HEMK2: variants seen among roughly 807,000 people sequenced by gnomAD.
HEMK2 encodes HemK methyltransferase 2, ETF1 glutamine and histone H4 lysine.
At chr21:28,747,526 A>T in the HEMK2 span, among the ~76,000 whole-genome samples, 1 of 152,250 alleles carries the variant, frequency 6.6e-6, no homozygotes. Flanking sequence ...CAACCCTCAA[A>T]GGAAATGTCC....
At chr21:28,753,121 C>T in the HEMK2 span, among the ~76,000 whole-genome samples, 5 of 152,090 alleles carry the variant, frequency 3.3e-5, no homozygotes, top group African/African-American at 1.2e-4. Flanking sequence ...CTTTGGAAGG[C>T]CAAGATGGGT....
At chr21:28,787,616 G>A in the HEMK2 span, among the ~76,000 whole-genome samples, 53 of 152,182 alleles carry the variant, frequency 3.5e-4, no homozygotes, top group African/African-American at 1.2e-3. Flanking sequence ...AATGCTCAAC[G>A]TTACTAATGA....
At chr21:28,618,309 A>G in the HEMK2 span, among the ~76,000 whole-genome samples, 3 of 152,174 alleles carry the variant, frequency 2.0e-5, no homozygotes, top group South Asian at 6.2e-4. Context: ...TTACAACTGT[A>G]TATTCACAAA....
At chr21:28,726,482 T>C in the HEMK2 span, among the ~76,000 whole-genome samples, 1 of 152,204 alleles carries the variant, frequency 6.6e-6, no homozygotes, top group Admixed American at 6.5e-5. Flanking sequence ...AAAATAGCAC[T>C]GAAAAGACTT....
the HEMK2 span, among the ~76,000 whole-genome samples, chr21:28,802,782 G>A: frequency 6.6e-6 from 1 of 152,026 alleles, no homozygotes; most frequent in South Asian, 2.1e-4. Flanking sequence ...TTCTTGTCAA[G>A]CTTTTAATAA....
the HEMK2 span, among the ~76,000 whole-genome samples, chr21:28,781,190 T>C: frequency 6.6e-6 from 1 of 152,144 alleles, no homozygotes; most frequent in Non-Finnish European, 1.5e-5. Context: ...TAAAATCAAA[T>C]CTAAAAGCAC....
the HEMK2 span, among the ~76,000 whole-genome samples, chr21:28,769,947 G>A: frequency 1.3e-5 from 2 of 152,102 alleles, no homozygotes; most frequent in Admixed American, 1.3e-4. Flanking sequence ...TTGGGCTAAT[G>A]AATTACATCA....
the HEMK2 span, among the ~76,000 whole-genome samples, chr21:28,767,055 G>T: frequency 6.6e-6 from 1 of 152,012 alleles, no homozygotes; most frequent in Non-Finnish European, 1.5e-5. Context: ...GAGTCATGGG[G>T]CCAGGTCTTT....
chr21:28,699,212 C>T, the HEMK2 span, among the ~76,000 whole-genome samples: 5 of 152,148 alleles, frequency 3.3e-5, no homozygotes, highest in African/African-American at 1.2e-4. Context: ...CTGTCTTAGT[C>T]TGTTTGTGTT....
the HEMK2 span, among the ~76,000 whole-genome samples, chr21:28,871,079 A>C: frequency 6.6e-6 from 1 of 152,178 alleles, no homozygotes; most frequent in South Asian, 2.1e-4. Flanking sequence ...CAATTTGCAA[A>C]TTTATACTTG....
the HEMK2 span, among the ~76,000 whole-genome samples, chr21:28,721,991 TA>T: frequency 6.6e-6 from 1 of 151,018 alleles, no homozygotes; most frequent in Non-Finnish European, 1.5e-5. Context: ...TACTTATCAG[TA>T]AATAGAAATC....
the HEMK2 span, among the ~76,000 whole-genome samples, chr21:28,766,944 T>G: frequency 6.6e-6 from 1 of 152,022 alleles, no homozygotes; most frequent in African/African-American, 2.4e-5. Flanking sequence ...CAGAAGTAAC[T>G]GCTAAAGAAC....
the HEMK2 span, among the ~76,000 whole-genome samples, chr21:28,736,574 T>C: frequency 1.6e-4 from 25 of 152,152 alleles, no homozygotes; most frequent in African/African-American, 5.3e-4. Context: ...CTGGCCAACA[T>C]GGTGAAACCC....
At chr21:28,785,533 C>G in the HEMK2 span, among the ~76,000 whole-genome samples, 1 of 152,218 alleles carries the variant, frequency 6.6e-6, no homozygotes, top group Non-Finnish European at 1.5e-5. Context: ...CCCACTTTGA[C>G]TCTTGCTTCA....
chr21:28,744,181 C>T, the HEMK2 span, among the ~76,000 whole-genome samples: 7 of 152,034 alleles, frequency 4.6e-5, no homozygotes, highest in African/African-American at 1.7e-4. Flanking sequence ...GTACACCAAA[C>T]CCCTGAGTCA....
At chr21:28,776,793 G>A in the HEMK2 span, among the ~76,000 whole-genome samples, 1 of 152,160 alleles carries the variant, frequency 6.6e-6, no homozygotes, top group African/African-American at 2.4e-5. Flanking sequence ...ATCCAGCACG[G>A]GAGAAGGATG....
the HEMK2 span, among the ~76,000 whole-genome samples, chr21:28,850,899 G>T: frequency 2.0e-5 from 3 of 152,294 alleles, no homozygotes; most frequent in South Asian, 4.1e-4. Context: ...GAAGAGAAGG[G>T]GAGAGAAGGA....
the HEMK2 span, among the ~76,000 whole-genome samples, chr21:28,713,575 C>T: frequency 6.6e-6 from 1 of 152,170 alleles, no homozygotes; most frequent in Non-Finnish European, 1.5e-5. Context: ...CAGGCCCCTC[C>T]TTCTTTACTC....
chr21:28,837,255 A>G, the HEMK2 span, among the ~76,000 whole-genome samples: 1 of 152,344 alleles, frequency 6.6e-6, no homozygotes, highest in South Asian at 2.1e-4. Flanking sequence ...TCTATTCAAC[A>G]ACACATAGAA....
Sources: gnomAD v4.1 joint callset for allele counts (sites outside exome capture counted in the v4.1 genomes callset) on GRCh38, gnomAD v4.1.1 for gene constraint, MANE v1.5 for transcripts, NCBI Gene and HGNC (gene_info 2026-07-23, HGNC 2026-07-21) for gene names.